Variants in GALNT10 observed in about 807,000 individuals in gnomAD.
The protein encoded by GALNT10 is polypeptide N-acetylgalactosaminyltransferase 10, also known as GalNAc transferase 10.
Under a neutral mutation model 75.0 loss-of-function variants are expected in GALNT10, and 41 were observed. The ratio of observed to expected loss-of-function variants is 0.55; its 90% CI spans 0.43 to 0.71. The LOEUF is 0.71. Among genes scored for constraint, GALNT10 ranks in the 30% least tolerant of loss-of-function variants. The pLI, the probability that GALNT10 is intolerant of heterozygous loss-of-function variation, is 0.00. For missense variants in GALNT10, 727 were observed against 818.5 expected, an observed-to-expected ratio of 0.89 and a Z score of 1.36; for synonymous variants, 302 against 313.0, an observed-to-expected ratio of 0.96 and a Z score of 0.37.
At chr5:154,363,975 G>T (rs1223749678) in intron 4 of GALNT10, among the ~76,000 whole-genome samples, 2 of 152,166 alleles carry the variant, frequency 1.3e-5, no homozygotes, top group East Asian at 3.8e-4. Context: ...AGTATGCCAG[G>T]TGCTGTGAGG....
In GALNT10 at chr5:154,335,179, C is replaced by T. The variant is rs370204668; in HGVS notation, c.568+5441C>T. On this transcript the variant is annotated intron_variant, in intron 4 of 11. Coordinates refer to ENST00000297107, the MANE Select transcript of GALNT10 (RefSeq NM_198321.4). ...CTTTTGCTGCTTATTTTGTTTTTCTCTACATCTGTTCTGATTTATCAAAGT... is the reference window on the plus strand; with the variant it reads ...CTTTTGCTGCTTATTTTGTTTTTCTTTACATCTGTTCTGATTTATCAAAGT... Among the ~76,000 whole-genome samples, 19 of 152,268 alleles carry T rather than the reference C, an allele frequency of 1.2e-4. 1 individual carries two copies. The highest frequency in any genetic ancestry group is 9.2e-4 in the Admixed American group (14 of 15,294).
At chr5:154,233,396 C>T (rs1581931156) in intron 1 of GALNT10, among the ~76,000 whole-genome samples, 1 of 152,134 alleles carries the variant, frequency 6.6e-6, no homozygotes, top group Non-Finnish European at 1.5e-5. Flanking sequence ...AGTCAGGCTG[C>T]ACCTGCAAGA....
chr5:154,374,955 A>G (rs1755631612), intron 4 of GALNT10, among the ~76,000 whole-genome samples: 1 of 152,232 alleles, frequency 6.6e-6, no homozygotes, highest in South Asian at 2.1e-4. Context: ...TTTTTCATCT[A>G]TGGTGTTTAA....
chr5:154,383,283 A>G (rs1755760343), intron 6 of GALNT10, among the ~76,000 whole-genome samples: 1 of 152,152 alleles, frequency 6.6e-6, no homozygotes, highest in African/African-American at 2.4e-5. Context: ...CAAGTGGGCA[A>G]TCTACAGGCA....
chr5:154,368,524 G>A (rs1337161382), intron 4 of GALNT10, among the ~76,000 whole-genome samples: 3 of 152,216 alleles, frequency 2.0e-5, no homozygotes, highest in Non-Finnish European at 4.4e-5. Context: ...CATCAAAAGT[G>A]TCCATTATGC....
rs551268104 is a variant in GALNT10 at position 154,295,878 on chromosome 5, A to G, written c.262+960A>G. 3.3e-5 allele frequency among the ~76,000 whole-genome samples: 5 copies of G among 152,270 alleles called. No homozygotes were observed. The East Asian group carries it at 9.6e-4, about 29-fold the overall frequency. On this transcript the variant is annotated intron_variant, in intron 2 of 11. Coordinates refer to ENST00000297107, the MANE Select transcript of GALNT10 (RefSeq NM_198321.4). ...ATACTAGAAAGCACTGTAGAAATCT[A>G]AGGGATTGGTATTAATATTTTATTC...
intron 3 of GALNT10, among the ~76,000 whole-genome samples, chr5:154,307,397 G>A (rs1754449493): frequency 6.6e-6 from 1 of 152,184 alleles, no homozygotes; most frequent in Non-Finnish European, 1.5e-5. Flanking sequence ...GAGGTGGGCA[G>A]ATCACGAGGT....
chr5:154,320,212 G>A (rs114926727), intron 3 of GALNT10, among the ~76,000 whole-genome samples: 1,942 of 152,282 alleles, frequency 0.013, 41 homozygotes, highest in African/African-American at 0.045. Context: ...TAAAAGACAG[G>A]CACACGTTCA....
At chr5:154,257,386 A>G (rs1167327431) in intron 1 of GALNT10, among the ~76,000 whole-genome samples, 2 of 152,238 alleles carry the variant, frequency 1.3e-5, no homozygotes, top group African/African-American at 4.8e-5. Flanking sequence ...TTTAGAGATT[A>G]GAAAAACCCA....
chr5:154,293,205 A>G (rs570944999), intron 1 of GALNT10, among the ~76,000 whole-genome samples: 13 of 152,208 alleles, frequency 8.5e-5, no homozygotes, highest in Admixed American at 3.3e-4. Context: ...TGTTAGCACT[A>G]ATGTCCAGCA....
At chr5:154,251,731 C>T (rs1753526182) in intron 1 of GALNT10, among the ~76,000 whole-genome samples, 2 of 152,138 alleles carry the variant, frequency 1.3e-5, no homozygotes, top group Admixed American at 1.3e-4. Flanking sequence ...ATCCATCTGG[C>T]ACATTCCCTA....
At chr5:154,361,141 C>G (rs1308182470) in intron 4 of GALNT10, among the ~76,000 whole-genome samples, 2 of 152,046 alleles carry the variant, frequency 1.3e-5, no homozygotes, top group Non-Finnish European at 2.9e-5. Context: ...GTGAGCTTCA[C>G]TGAAACTCTG....
chr5:154,345,328 T>C (rs1755105312), intron 4 of GALNT10, among the ~76,000 whole-genome samples: 1 of 152,216 alleles, frequency 6.6e-6, no homozygotes, highest in Non-Finnish European at 1.5e-5. Context: ...ATCTATTCTT[T>C]TAGCAAACTT....
At chr5:154,244,494 G>GA (rs2113670055) in intron 1 of GALNT10, among the ~76,000 whole-genome samples, 1 of 152,218 alleles carries the variant, frequency 6.6e-6, no homozygotes, top group South Asian at 2.1e-4. Context: ...TTTTTTGGGG[G>GA]AATGCTGGAT....
intron 4 of GALNT10, among the ~76,000 whole-genome samples, chr5:154,333,767 C>T (rs1187231523): frequency 1.3e-5 from 2 of 152,126 alleles, no homozygotes; most frequent in Non-Finnish European, 2.9e-5. Flanking sequence ...GATCACTGCC[C>T]CCTTTTCTCA....
chr5:154,204,329 C>T (rs1775073127), intron 1 of GALNT10, among the ~76,000 whole-genome samples: 1 of 152,214 alleles, frequency 6.6e-6, no homozygotes, highest in Non-Finnish European at 1.5e-5. Flanking sequence ...TCCCACCAGC[C>T]TGTCACATCT....
chr5:154,214,790 GAAGAT>G (rs1752840783), intron 1 of GALNT10, among the ~76,000 whole-genome samples: 1 of 152,146 alleles, frequency 6.6e-6, no homozygotes. Flanking sequence ...AAAAAGGGGA[GAAGAT>G]AAGGGAAGAG....
rs374431386 is a variant in GALNT10 at position 154,305,296 on chromosome 5, T to TAAA, written c.401+7230_401+7232dup. On this transcript the variant is annotated intron_variant, in intron 3 of 11. Coordinates refer to ENST00000297107, the MANE Select transcript of GALNT10 (RefSeq NM_198321.4). Reference sequence around the variant, plus strand: ...TAGTGACAGAGCAAGACCTCATCTGTAAAAAAAAAAAAAAAGAAGAAGAAG... The same window carrying TAAA: ...TAGTGACAGAGCAAGACCTCATCTGTAAAAAAAAAAAAAAAAAAGAAGAAGAAG... 6.7e-5 allele frequency among the ~76,000 whole-genome samples: 9 copies of TAAA among 133,694 alleles called. No individual in the cohort carries two copies. The South Asian group carries it at 9.5e-4, about 14-fold the overall frequency. 87.7% of individuals were successfully genotyped at this position (133,694 alleles called of 152,430 possible).
intron 3 of GALNT10, among the ~76,000 whole-genome samples, chr5:154,323,326 T>C (rs1325409172): frequency 1.3e-5 from 2 of 151,822 alleles, no homozygotes; most frequent in African/African-American, 4.8e-5. Flanking sequence ...GAGCTACGAT[T>C]GCACCACCAC....
Sources: gnomAD v4.1 joint callset for allele counts (sites outside exome capture counted in the v4.1 genomes callset) on GRCh38, gnomAD v4.1.1 for gene constraint, MANE v1.5 for transcripts, NCBI Gene and HGNC (gene_info 2026-07-23, HGNC 2026-07-21) for gene names.